DNAH12: variants seen among roughly 807,000 people sequenced by gnomAD.
DNAH12 encodes dynein axonemal heavy chain 12, also known as axonemal beta dynein heavy chain 12.
In DNAH12, 285 loss-of-function variants were observed where a neutral mutation model predicts 371.5. The observed-to-expected ratio is 0.77, with a 90% CI of 0.70 to 0.85. The LOEUF is 0.85. Among genes scored for constraint, DNAH12 ranks in the 40% least tolerant of loss-of-function variants. The pLI, the probability that DNAH12 is intolerant of heterozygous loss-of-function variation, is 0.00. For synonymous variants in DNAH12, 1,200 were observed against 1,213.0 expected (o/e 0.99, Z 0.22); for missense variants, 3,611 against 3,689.4 (o/e 0.98, Z 0.55).
chr3:57,349,052 T>C (rs1314147053), intron 60 of DNAH12, among the ~76,000 whole-genome samples: 2 of 151,454 alleles, frequency 1.3e-5, no homozygotes, highest in African/African-American at 4.9e-5. Context: ...ATCCACAGAG[T>C]GGGAGAAAAT....
At chr3:57,301,218 A>G (rs1390138345) in intron 70 of DNAH12, among the ~76,000 whole-genome samples, 1 of 139,064 alleles carries the variant, frequency 7.2e-6, no homozygotes, top group Non-Finnish European at 1.5e-5. Flanking sequence ...GTGAGCTAAG[A>G]TCACACCACT....
At chr3:57,548,321 T>C (rs752205801), upstream of DNAH12, among the ~76,000 whole-genome samples, 23 of 152,264 alleles carry the variant, frequency 1.5e-4, no homozygotes, top group East Asian at 4.0e-3. Flanking sequence ...TGGGATAACC[T>C]AAGGTTAGTT....
At chr3:57,333,240 A>T (rs1285557221) in intron 62 of DNAH12, among the ~76,000 whole-genome samples, 1 of 150,088 alleles carries the variant, frequency 6.7e-6, no homozygotes, top group Admixed American at 6.6e-5. Flanking sequence ...CGAACTCCTG[A>T]CCTAGCGATC....
intron 34 of DNAH12, among the ~76,000 whole-genome samples, chr3:57,427,907 G>A (rs1018392243): frequency 1.3e-5 from 2 of 151,710 alleles, no homozygotes; most frequent in African/African-American, 2.4e-5. Flanking sequence ...TCAATTTCTG[G>A]TTTTTGGGTG....
intron 44 of DNAH12, among the ~76,000 whole-genome samples, chr3:57,393,723 G>A (rs1328785684): frequency 2.0e-5 from 3 of 149,888 alleles, no homozygotes; most frequent in Non-Finnish European, 4.4e-5. Flanking sequence ...CGTCACCATT[G>A]TATTTTTTGT....
chr3:57,337,389 G>A (rs1315215344), intron 60 of DNAH12, among the ~76,000 whole-genome samples: 2 of 152,174 alleles, frequency 1.3e-5, no homozygotes, highest in East Asian at 3.9e-4. Flanking sequence ...GCTGGGCACG[G>A]TGGCTCACGC....
At position 57,419,347 on chromosome 3, in the gene DNAH12, T is replaced by C. The variant is rs2064491695; in HGVS notation, c.5714+20A>G. 2.0e-6 allele frequency: 3 copies of C among 1,478,346 alleles called. No homozygotes were observed. Among genetic ancestry groups the C allele is most frequent in the African/African-American group, 2.9e-5 (2 of 67,872 alleles). 91.6% of individuals were successfully genotyped at this position (1,478,346 alleles called of 1,614,324 possible). ...GGTACTTTTACATTCAAAATGCTTG[T>C]TTATAGCAGAGTTCCTTACTTTGCA... On this transcript the variant is annotated intron_variant, in intron 37 of 73. Coordinates refer to ENST00000495027, the MANE Select transcript of DNAH12 (RefSeq NM_001366028.2).
At chr3:57,540,107 A>G (rs1165900952) in intron 2 of DNAH12, among the ~76,000 whole-genome samples, 3 of 151,216 alleles carry the variant, frequency 2.0e-5, no homozygotes, top group African/African-American at 4.9e-5. Flanking sequence ...CTGGAGTGCA[A>G]TGGCTCGCTC....
chr3:57,302,553 A>ATGGTTTTT (rs1559535314), intron 69 of DNAH12, among the ~76,000 whole-genome samples: 3 of 86,392 alleles, frequency 3.5e-5, no homozygotes, highest in African/African-American at 1.3e-4. Flanking sequence ...ATATATATAT[A>ATGGTTTTT]TATATATATA....
At chr3:57,356,936 TTTCATCATG>T (rs1219878980) in intron 59 of DNAH12, among the ~76,000 whole-genome samples, 26 of 151,852 alleles carry the variant, frequency 1.7e-4, no homozygotes, top group Non-Finnish European at 3.1e-4. Context: ...AGATATGGGG[TTTCATCATG>T]TTGGCCAGGC....
At chr3:57,499,213 T>C (rs1051176601) in intron 11 of DNAH12, among the ~76,000 whole-genome samples, 7 of 151,880 alleles carry the variant, frequency 4.6e-5, no homozygotes, top group African/African-American at 1.2e-4. Flanking sequence ...GAGGTCAGAG[T>C]TGGGGAGAAT....
At chr3:57,297,111 T>C (rs1028574514) in intron 70 of DNAH12, 127 bp from the exon 71 acceptor site, 67 of 1,056,536 alleles carry the variant, frequency 6.3e-5, no homozygotes, top group Non-Finnish European at 8.4e-5. Flanking sequence ...CCCTCTTCCC[T>C]GACGTCAAAC....
rs758338552 is a variant in DNAH12, at chr3:57,542,725, T to C, written c.146A>G (p.Gln49Arg). The C allele has an allele frequency of 6.2e-7, 1 of 1,602,786 alleles. No individual in the cohort carries two copies. The highest frequency in any genetic ancestry group is 1.4e-5 in the African/African-American group (1 of 73,962). ...CACTAACTGATTAATTTTCTGCTGC[T>C]GCTCCTTGGATCTTCTGTATTTTAG... Reference protein sequence around the residue: ...KLLKYRRSKEQQQKINQLVID... With the variant: ...KLLKYRRSKERQQKINQLVID... Residue 49 changes from glutamine (Q) to arginine (R), a missense_variant, in exon 2 of 74, where the codon CAG becomes CGG. Gln to Arg is a conservative substitution (Grantham distance 43). Around this residue, in one of 3 missense-constraint regions of DNAH12, gnomAD observed 1,314 missense variants for 1,398.7 expected, o/e 0.94. Coordinates refer to ENST00000495027, the MANE Select transcript of DNAH12 (RefSeq NM_001366028.2).
At chr3:57,359,297 C>T (rs965589958) in intron 58 of DNAH12, among the ~76,000 whole-genome samples, 1 of 151,742 alleles carries the variant, frequency 6.6e-6, no homozygotes, top group African/African-American at 2.4e-5. Flanking sequence ...CGGTGGCTCA[C>T]GCCTGTAATC....
At chr3:57,539,501 C>T (rs2069182382) in intron 2 of DNAH12, among the ~76,000 whole-genome samples, 1 of 152,148 alleles carries the variant, frequency 6.6e-6, no homozygotes, top group Non-Finnish European at 1.5e-5. Context: ...ACTTAGATGA[C>T]AGTCTTCTTC....
At chr3:57,458,280 A>G (rs1020902222) in intron 20 of DNAH12, 60 bp from the exon 21 acceptor site, 1 of 1,483,486 alleles carries the variant, frequency 6.7e-7, no homozygotes, top group African/African-American at 1.4e-5. Flanking sequence ...TATGACTTAA[A>G]TATCAATCTA....
intron 11 of DNAH12, among the ~76,000 whole-genome samples, chr3:57,494,006 G>A (rs2067221823): frequency 1.3e-5 from 2 of 152,204 alleles, no homozygotes; most frequent in South Asian, 2.1e-4. Flanking sequence ...GCTGAGGCAG[G>A]AGGATCACTT....
chr3:57,454,952 A>C, intron 22 of DNAH12, 58 bp from the exon 23 acceptor site: 1 of 1,511,488 alleles, frequency 6.6e-7, no homozygotes, highest in Non-Finnish European at 8.9e-7. Flanking sequence ...AAATAGCTAA[A>C]TGTCTAACAA....
intron 12 of DNAH12, 134 bp from the exon 13 acceptor site, chr3:57,483,645 CT>C: frequency 4.6e-6 from 5 of 1,091,218 alleles, no homozygotes; most frequent in Non-Finnish European, 6.3e-6. Context: ...ACTAAGGTAT[CT>C]TAAAAATATT....
Sources: allele counts gnomAD v4.1 joint callset (sites outside exome capture counted in the v4.1 genomes callset), GRCh38; gene constraint gnomAD v4.1.1; regional missense constraint gnomAD v4.1.1; transcripts MANE v1.5; gene names NCBI Gene and HGNC (gene_info 2026-07-23, HGNC 2026-07-21).